CSMD1: variants seen among roughly 807,000 people sequenced by gnomAD.
CSMD1 encodes CUB and Sushi multiple domains 1, also known as CUB and sushi domain-containing protein 1.
CSMD1 carries 213 observed loss-of-function variants against 417.5 expected under a neutral mutation model. The ratio of observed to expected loss-of-function variants is 0.51; its 90% CI spans 0.46 to 0.57. CSMD1 has a LOEUF of 0.57. Ranked by LOEUF, CSMD1 falls within the 20% of genes least tolerant of loss-of-function variation. The pLI is 0.00. For synonymous variants in CSMD1, 2,862 were observed against 1,736.8 expected (o/e 1.65, Z -16.11); for missense variants, 6,923 against 4,529.7 (o/e 1.53, Z -15.17).
Position 4,385,273 on chromosome 8 carries a change from G to T in CSMD1, c.415+34680C>A, listed in dbSNP as rs1438212. Among the ~76,000 whole-genome samples, 55 of 152,094 alleles carry T rather than the reference G, an allele frequency of 3.6e-4. 1 individual carries two copies. Among genetic ancestry groups the T allele is most frequent in the Admixed American group, 1.9e-3 (29 of 15,292 alleles). On this transcript the variant is annotated intron_variant, in intron 3 of 69. Transcript: ENST00000635120. ...TAGGTGTTTGATGTTTATTCATCAGGCTTTCAAAATACTATCTGTTCATGT... is the reference window on the plus strand; with the variant it reads ...TAGGTGTTTGATGTTTATTCATCAGTCTTTCAAAATACTATCTGTTCATGT...
At chr8:3,657,269 G>C (rs777643109) in intron 7 of CSMD1, among the ~76,000 whole-genome samples, 4 of 152,136 alleles carry the variant, frequency 2.6e-5, no homozygotes, top group Admixed American at 6.5e-5. Context: ...TATGCCAACA[G>C]TGAACAATCT....
At chr8:3,913,008 CTA>C (rs1191591022) in intron 5 of CSMD1, among the ~76,000 whole-genome samples, 10 of 152,054 alleles carry the variant, frequency 6.6e-5, no homozygotes, top group African/African-American at 2.4e-4. Context: ...GCACTGGTGA[CTA>C]TAATGAGCTA....
chr8:4,077,687 AAGAC>A (rs1229081320), intron 3 of CSMD1, among the ~76,000 whole-genome samples: 1 of 152,174 alleles, frequency 6.6e-6, no homozygotes, highest in Non-Finnish European at 1.5e-5. Context: ...TTTGTTTCCT[AAGAC>A]AGAGTTTAAT....
intron 10 of CSMD1, among the ~76,000 whole-genome samples, chr8:3,499,075 G>T (rs1436349341): frequency 6.6e-6 from 1 of 152,072 alleles, no homozygotes. Flanking sequence ...GACATTTCTT[G>T]TGTTCCTACA....
intron 26 of CSMD1, among the ~76,000 whole-genome samples, chr8:3,264,103 A>G (rs1038377924): frequency 6.6e-6 from 1 of 152,182 alleles, no homozygotes; most frequent in South Asian, 2.1e-4. Flanking sequence ...CTAAACATTT[A>G]TTCACCTCAA....
chr8:3,191,638 G>A (rs112545141), intron 33 of CSMD1, among the ~76,000 whole-genome samples: 79 of 152,068 alleles, frequency 5.2e-4, no homozygotes, highest in Admixed American at 2.6e-4. Flanking sequence ...TCAGTGCAAC[G>A]TGTGGGTGAG....
chr8:3,982,617 G>A (rs1190838119), intron 5 of CSMD1, among the ~76,000 whole-genome samples: 1 of 148,426 alleles, frequency 6.7e-6, no homozygotes, highest in Non-Finnish European at 1.5e-5. Context: ...TGCTGAGAGA[G>A]AAAAAAAAAA....
At chr8:4,591,156 T>C (rs1388010209) in intron 2 of CSMD1, among the ~76,000 whole-genome samples, 1 of 152,236 alleles carries the variant, frequency 6.6e-6, no homozygotes, top group Non-Finnish European at 1.5e-5. Flanking sequence ...CAGTTGTGTG[T>C]TGAGTGCTTA....
intron 3 of CSMD1, among the ~76,000 whole-genome samples, chr8:4,121,274 C>T (rs1262217874): frequency 6.6e-6 from 1 of 151,966 alleles, no homozygotes; most frequent in East Asian, 1.9e-4. Context: ...GACACCACAC[C>T]CAGCTCGTTT....
At chr8:3,686,677 T>A (rs544406194) in intron 7 of CSMD1, among the ~76,000 whole-genome samples, 6 of 152,296 alleles carry the variant, frequency 3.9e-5, no homozygotes, top group Non-Finnish European at 7.4e-5. Flanking sequence ...ATCCACCTGG[T>A]CACTTCTCTA....
At chr8:4,001,037 A>C (rs1198690732) in intron 4 of CSMD1, among the ~76,000 whole-genome samples, 3 of 122,074 alleles carry the variant, frequency 2.5e-5, no homozygotes, top group Non-Finnish European at 5.2e-5. Context: ...TCAATGTTTC[A>C]GAGGGGAAAA....
intron 1 of CSMD1, among the ~76,000 whole-genome samples, chr8:4,934,458 C>T (rs947754386): frequency 6.6e-6 from 1 of 152,138 alleles, no homozygotes; most frequent in African/African-American, 2.4e-5. Context: ...CTTGTATTCA[C>T]ATCAACACTC....
chr8:3,573,234 T>A (rs574260180), intron 10 of CSMD1, among the ~76,000 whole-genome samples: 47 of 152,324 alleles, frequency 3.1e-4, no homozygotes, highest in African/African-American at 1.0e-3. Context: ...TAAATGCTAT[T>A]ACTATATCTC....
intron 2 of CSMD1, among the ~76,000 whole-genome samples, chr8:4,453,995 G>C (rs183131475): frequency 2.6e-5 from 4 of 151,360 alleles, no homozygotes; most frequent in East Asian, 3.9e-4. Context: ...CTAATTTTTT[G>C]TATTTTTTAG....
chr8:3,994,078 T>G (rs1266838512), intron 5 of CSMD1, among the ~76,000 whole-genome samples: 2 of 152,196 alleles, frequency 1.3e-5, no homozygotes, highest in Non-Finnish European at 1.5e-5. Flanking sequence ...ACACTGAGGC[T>G]TCCAGGCTCT....
intron 1 of CSMD1, among the ~76,000 whole-genome samples, chr8:4,817,158 C>T (rs533291692): frequency 1.4e-4 from 21 of 152,216 alleles, no homozygotes; most frequent in African/African-American, 4.6e-4. Flanking sequence ...TAAATACACA[C>T]ACATGTATAC....
At chr8:4,239,917 T>A (rs972725313) in intron 3 of CSMD1, among the ~76,000 whole-genome samples, 1 of 152,102 alleles carries the variant, frequency 6.6e-6, no homozygotes, top group Non-Finnish European at 1.5e-5. Flanking sequence ...TAAAATAGAG[T>A]TGAATTAGTA....
chr8:4,480,242 G>T (rs1801023858), intron 2 of CSMD1, among the ~76,000 whole-genome samples: 1 of 150,034 alleles, frequency 6.7e-6, no homozygotes, highest in Non-Finnish European at 1.5e-5. Context: ...TAAGGAAAAA[G>T]CAGGACTTCT....
chr8:4,439,999 G>T (rs775967544), intron 2 of CSMD1, among the ~76,000 whole-genome samples: 1 of 152,080 alleles, frequency 6.6e-6, no homozygotes, highest in Non-Finnish European at 1.5e-5. Flanking sequence ...GACATGGGGG[G>T]TATACACTTA....
Sources: gnomAD v4.1 joint callset for allele counts (sites outside exome capture counted in the v4.1 genomes callset) on GRCh38, gnomAD v4.1.1 for gene constraint, MANE v1.5 for transcripts, NCBI Gene and HGNC (gene_info 2026-07-23, HGNC 2026-07-21) for gene names.